Variants in CALN1 observed in about 807,000 individuals in gnomAD.
CALN1 encodes the protein calcium-binding protein 8.
A neutral mutation model predicts 30.6 loss-of-function variants in CALN1; 17 were observed. The ratio of observed to expected loss-of-function variants is 0.56; its 90% confidence interval spans 0.38 to 0.83. The LOEUF (loss-of-function observed/expected upper bound fraction) is 0.83. CALN1 is among the 40% of genes least tolerant of loss of function. The pLI is 0.00. For synonymous variants in CALN1, 156 were observed against 131.4 expected (o/e 1.19, Z -1.28); for missense variants, 291 against 354.9 (o/e 0.82, Z 1.45).
chr7:71,969,053 GA>G (rs891472731), intron 5 of CALN1, among the ~76,000 whole-genome samples: 392 of 145,066 alleles, frequency 2.7e-3, no homozygotes, highest in African/African-American at 8.0e-3. Flanking sequence ...TATCTCAAAA[GA>G]AAAAAAAAAT....
chr7:72,300,450 T>C (rs749414470), intron 2 of CALN1, among the ~76,000 whole-genome samples: 1 of 151,990 alleles, frequency 6.6e-6, no homozygotes, highest in Non-Finnish European at 1.5e-5. Flanking sequence ...AAAAAACAGT[T>C]AAAAATACAG....
At chr7:72,262,374 G>A (rs1796324449) in intron 3 of CALN1, among the ~76,000 whole-genome samples, 1 of 152,010 alleles carries the variant, frequency 6.6e-6, no homozygotes, top group African/African-American at 2.4e-5. Context: ...TTTTAGATTC[G>A]GGGGTAACCT....
At chr7:72,370,173 T>C (rs1459381603) in intron 2 of CALN1, among the ~76,000 whole-genome samples, 1 of 152,212 alleles carries the variant, frequency 6.6e-6, no homozygotes, top group Non-Finnish European at 1.5e-5. Flanking sequence ...AAGTATGTAA[T>C]GACATCTCAT....
intron 4 of CALN1, among the ~76,000 whole-genome samples, chr7:72,055,307 G>C (rs1803183266): frequency 6.6e-6 from 1 of 151,868 alleles, no homozygotes; most frequent in African/African-American, 2.4e-5. Flanking sequence ...TAACCAAGCT[G>C]GTAAAGATTA....
At chr7:72,168,712 T>C (rs1457876405) in intron 3 of CALN1, among the ~76,000 whole-genome samples, 3 of 152,078 alleles carry the variant, frequency 2.0e-5, no homozygotes, top group Non-Finnish European at 4.4e-5. Flanking sequence ...CAATATGCCA[T>C]ACTACCCTTC....
At chr7:71,952,800 C>T (rs147155392) in intron 5 of CALN1, among the ~76,000 whole-genome samples, 43 of 152,250 alleles carry the variant, frequency 2.8e-4, no homozygotes, top group African/African-American at 9.1e-4. Flanking sequence ...CCTGTAGGAT[C>T]CCTGCATCCT....
chr7:72,029,756 G>A (rs1449681001), intron 4 of CALN1, among the ~76,000 whole-genome samples: 3 of 152,232 alleles, frequency 2.0e-5, no homozygotes, highest in Non-Finnish European at 4.4e-5. Flanking sequence ...GGGCGTGGAA[G>A]CTGCATGTAC....
At chr7:72,348,726 T>C (rs1802773597) in intron 2 of CALN1, among the ~76,000 whole-genome samples, 1 of 152,204 alleles carries the variant, frequency 6.6e-6, no homozygotes, top group Non-Finnish European at 1.5e-5. Context: ...AGGAATAAAC[T>C]AGCTCTAGAA....
chr7:72,334,526 C>G (rs917151973), intron 2 of CALN1, among the ~76,000 whole-genome samples: 1 of 152,040 alleles, frequency 6.6e-6, no homozygotes, highest in Non-Finnish European at 1.5e-5. Context: ...ACCTGTACCC[C>G]CCCTCCCCTT....
At chr7:71,927,314 A>G (rs1795319466) in intron 5 of CALN1, among the ~76,000 whole-genome samples, 1 of 152,036 alleles carries the variant, frequency 6.6e-6, no homozygotes, top group African/African-American at 2.4e-5. Context: ...GACTCAAGTG[A>G]TTCTCCTGCC....
At chr7:71,856,109 G>A (rs1402275276) in intron 5 of CALN1, among the ~76,000 whole-genome samples, 8 of 151,256 alleles carry the variant, frequency 5.3e-5, no homozygotes, top group Non-Finnish European at 1.2e-4. Flanking sequence ...ATATATTTGA[G>A]AGTTTTCATA....
At chr7:72,192,746 G>A (rs1389395416) in intron 3 of CALN1, among the ~76,000 whole-genome samples, 2 of 150,874 alleles carry the variant, frequency 1.3e-5, no homozygotes, top group African/African-American at 2.4e-5. Context: ...CTGGTGCGCT[G>A]CACCCACTAA....
At chr7:72,451,294 G>A (rs1808658255), upstream of CALN1, among the ~76,000 whole-genome samples, 1 of 148,686 alleles carries the variant, frequency 6.7e-6, no homozygotes, top group Non-Finnish European at 1.5e-5. Context: ...GCGAAGGGAA[G>A]AGAAGAGGAA....
At chr7:72,015,539 C>T (rs866799574) in intron 5 of CALN1, among the ~76,000 whole-genome samples, 3 of 151,904 alleles carry the variant, frequency 2.0e-5, no homozygotes, top group South Asian at 2.1e-4. Flanking sequence ...GCCTGGATTC[C>T]GACAATGTCC....
intron 2 of CALN1, among the ~76,000 whole-genome samples, chr7:72,393,119 A>G (rs1805683312): frequency 6.6e-6 from 1 of 152,122 alleles, no homozygotes; most frequent in African/African-American, 2.4e-5. Context: ...CATAGCCCAA[A>G]GCAGCCCCGC....
At chr7:71,989,738 C>T (rs952654744) in intron 5 of CALN1, among the ~76,000 whole-genome samples, 2 of 152,018 alleles carry the variant, frequency 1.3e-5, no homozygotes, top group East Asian at 1.9e-4. Flanking sequence ...AAACATTATC[C>T]TGATTAGAGG....
chr7:72,487,589 A>C, the CALN1 span, among the ~76,000 whole-genome samples: 1 of 150,844 alleles, frequency 6.6e-6, no homozygotes, highest in Non-Finnish European at 1.5e-5. Context: ...GGGAGGCTGA[A>C]GCAGAAGAAT....
chr7:72,413,862 T>A (rs1477787394), upstream of CALN1, among the ~76,000 whole-genome samples: 2 of 136,034 alleles, frequency 1.5e-5, no homozygotes, highest in African/African-American at 6.7e-5. Context: ...TCACACACAC[T>A]CGTATACACA....
At chr7:72,252,652 C>T (rs553242419) in intron 3 of CALN1, among the ~76,000 whole-genome samples, 10 of 151,440 alleles carry the variant, frequency 6.6e-5, no homozygotes, top group Admixed American at 1.3e-4. Flanking sequence ...GAGGGAGGGA[C>T]GGAGATCCAG....
Sources: allele counts gnomAD v4.1 joint callset (sites outside exome capture counted in the v4.1 genomes callset), GRCh38; gene constraint gnomAD v4.1.1; transcripts MANE v1.5; gene names NCBI Gene and HGNC (gene_info 2026-07-23, HGNC 2026-07-21).